The following ELAC1 variants were observed in gnomAD, a reference collection of about 807,000 sequenced individuals.
ELAC1 encodes zinc phosphodiesterase ELAC protein 1.
Under a neutral mutation model 25.8 loss-of-function variants are expected in ELAC1, and 19 were observed. The ratio of observed to expected loss-of-function variants is 0.74; its 90% confidence interval spans 0.51 to 1.08. ELAC1 has a LOEUF of 1.08. Among genes scored for constraint, ELAC1 ranks in the 50% least tolerant of loss-of-function variants. The pLI is 0.00. For missense variants in ELAC1, 403 were observed against 434.6 expected (o/e 0.93, Z 0.65); for synonymous variants, 148 against 160.9 (o/e 0.92, Z 0.61).
intron 1 of ELAC1, among the ~76,000 whole-genome samples, chr18:50,971,894 ATATG>A (rs1291769775): frequency 1.5e-4 from 14 of 94,948 alleles, no homozygotes; most frequent in African/African-American, 6.8e-4. Context: ...ATATATGTAT[ATATG>A]TGTGTGTGTG....
At chr18:50,978,018 T>A (rs1907840117) in intron 2 of ELAC1, among the ~76,000 whole-genome samples, 1 of 152,184 alleles carries the variant, frequency 6.6e-6, no homozygotes, top group Non-Finnish European at 1.5e-5. Flanking sequence ...CAGTTCCCAA[T>A]AAGTTCCTCA....
intron 2 of ELAC1, among the ~76,000 whole-genome samples, chr18:50,981,084 C>T (rs1907936934): frequency 6.8e-6 from 1 of 146,364 alleles, no homozygotes; most frequent in Non-Finnish European, 1.5e-5. Flanking sequence ...TCACCACACA[C>T]CCCCACCCCC....
At chr18:50,976,019 C>T (rs918648303) in intron 2 of ELAC1, among the ~76,000 whole-genome samples, 9 of 152,102 alleles carry the variant, frequency 5.9e-5, no homozygotes, top group African/African-American at 2.2e-4. Flanking sequence ...AAAGAACTGG[C>T]ATGTTGGGGA....
rs140150357 is a variant in ELAC1 at position 50,973,714 on chromosome 18, A to T, written c.-8-683A>T. Among the ~76,000 whole-genome samples the T allele has an allele frequency of 2.4e-3, 362 of 151,072 alleles. 1 individual carries two copies. Among genetic ancestry groups the T allele is most frequent in the Admixed American group, 5.2e-3 (77 of 14,802 alleles). On this transcript the variant is annotated intron_variant, in intron 1 of 3. Coordinates refer to ENST00000269466, the MANE Select transcript of ELAC1 (RefSeq NM_018696.3). ...AGTGTTTATTAGAAGGATTTTTTTT[A>T]AAAAAATTAGTAAGTAGAAAGTACA...
In ELAC1 at chr18:50,987,980, G is replaced by A. The variant is rs1908158235; in HGVS notation, c.*895G>A. On this transcript the variant is annotated 3_prime_UTR_variant, in exon 4 of 4. Transcript: ENST00000269466. Reference sequence around the variant, plus strand: ...CAAATCCTAAAGAGTGAATGTGTTAGAATTGCAGTGTCATACCAAATAACA... The same window carrying A: ...CAAATCCTAAAGAGTGAATGTGTTAAAATTGCAGTGTCATACCAAATAACA... 1 of 152,188 alleles carries A rather than the reference G, an allele frequency of 6.6e-6. No individual in the cohort carries two copies. Among genetic ancestry groups the A allele is most frequent in the Non-Finnish European group, 1.5e-5 (1 of 68,042 alleles). 9.4% of individuals were successfully genotyped at this position (152,188 alleles called of 1,614,324 possible). A position where few individuals can be genotyped will look rare whatever the true frequency, so the allele number is the denominator to read the frequency against.
chr18:50,977,019 G>C (rs1568186320), intron 2 of ELAC1, among the ~76,000 whole-genome samples: 2 of 152,228 alleles, frequency 1.3e-5, no homozygotes, highest in African/African-American at 2.4e-5. Flanking sequence ...GCATGCTGAT[G>C]CAAGAGGTGG....
intron 2 of ELAC1, among the ~76,000 whole-genome samples, 189 bp downstream of exon 2, chr18:50,974,750 T>C (rs1486203268): frequency 1.3e-5 from 2 of 152,236 alleles, no homozygotes; most frequent in East Asian, 3.8e-4. Context: ...ACTTATTTAC[T>C]TGCTTTTCAT....
At chr18:50,968,149 C>G (rs971057928) in intron 1 of ELAC1, 35 bp downstream of exon 1, 1 of 152,080 alleles carries the variant, frequency 6.6e-6, no homozygotes, top group Admixed American at 6.6e-5. Context: ...GGGGGGCGGG[C>G]GCGCTTCCTC....
intron 1 of ELAC1, among the ~76,000 whole-genome samples, chr18:50,971,769 TTTTAAATAGATAC>T (rs1420001738): frequency 6.6e-6 from 1 of 151,548 alleles, no homozygotes; most frequent in Non-Finnish European, 1.5e-5. Context: ...AACTTAAATT[TTTTAAATAGATAC>T]ACGATAGTTG....
intron 1 of ELAC1, among the ~76,000 whole-genome samples, chr18:50,972,213 T>C (rs754166745): frequency 3.3e-5 from 5 of 151,982 alleles, no homozygotes; most frequent in Non-Finnish European, 5.9e-5. Context: ...ATTCTCCTAA[T>C]TTTTTTGAAC....
chr18:50,978,668 G>C (rs1028047487), intron 2 of ELAC1, among the ~76,000 whole-genome samples: 7 of 152,204 alleles, frequency 4.6e-5, no homozygotes, highest in African/African-American at 1.4e-4. Flanking sequence ...GTGTGTGAGA[G>C]AGAGAGAGAA....
At chr18:50,984,694 G>C in intron 3 of ELAC1, 131 bp downstream of exon 3, 1 of 689,740 alleles carries the variant, frequency 1.4e-6, no homozygotes, top group Non-Finnish European at 2.4e-6. Flanking sequence ...CACTTTGGGA[G>C]GCCGAGGTGG....
rs1358771203 is a variant in ELAC1 at position 50,987,895 on chromosome 18, C to A, written c.*810C>A. 6.6e-6 allele frequency: 1 copy of A among 152,144 alleles called. No individual in the cohort carries two copies. Among genetic ancestry groups the A allele is most frequent in the Non-Finnish European group, 1.5e-5 (1 of 68,030 alleles). 9.4% of individuals were successfully genotyped at this position (152,144 alleles called of 1,614,324 possible). On this transcript the variant is annotated 3_prime_UTR_variant, in exon 4 of 4. Coordinates refer to ENST00000269466, the MANE Select transcript of ELAC1 (RefSeq NM_018696.3). ...GATACACAGCAAGTTAGTTTATACT[C>A]TTGATGTGAATATAGTTTACCAAAA...
At chr18:50,977,504 G>T (rs576214022) in intron 2 of ELAC1, among the ~76,000 whole-genome samples, 43 of 152,340 alleles carry the variant, frequency 2.8e-4, no homozygotes, top group African/African-American at 9.6e-4. Context: ...GGGATGCAGG[G>T]CACCAAGTCC....
rs1479931954 is a variant in ELAC1, at chr18:50,974,489, G to A, written c.85G>A (p.Glu29Lys). The change falls in exon 2 of 4, where the codon GAA (glutamate) becomes AAA (lysine). Residue 29 changes from glutamate (E) to lysine (K), a missense_variant. Physicochemically the swap from Glu to Lys is moderately conservative, Grantham distance 56. Coordinates refer to ENST00000269466, the MANE Select transcript of ELAC1 (RefSeq NM_018696.3). ...TGCCTCTGCTGTGGTCCTTCGGTGT[G>A]AAGGCGAGTGCTGGCTCTTTGACTG... is the stretch of plus-strand genomic sequence containing the variant. ...RGASAVVLRC[E>K]GECWLFDCGE... The A allele has an allele frequency of 6.2e-7, 1 of 1,611,560 alleles. No homozygotes were observed. Among genetic ancestry groups the A allele is most frequent in the Non-Finnish European group, 8.5e-7 (1 of 1,179,032 alleles).
intron 1 of ELAC1, among the ~76,000 whole-genome samples, chr18:50,973,357 T>A (rs1175474002): frequency 6.6e-6 from 1 of 152,206 alleles, no homozygotes; most frequent in Non-Finnish European, 1.5e-5. Context: ...CTCAGAAGTA[T>A]ATCAGTGATG....
chr18:50,974,317 A>G (rs2144310133), intron 1 of ELAC1, 80 bp from the exon 2 acceptor site: 1 of 1,326,134 alleles, frequency 7.5e-7, no homozygotes, highest in East Asian at 2.5e-5. Context: ...ACCAAAAAGT[A>G]ATAATAGAGA....
intron 3 of ELAC1, among the ~76,000 whole-genome samples, chr18:50,986,220 C>T (rs552482311): frequency 2.4e-4 from 36 of 151,920 alleles, no homozygotes; most frequent in Non-Finnish European, 4.0e-4. Flanking sequence ...AGGCATGAGC[C>T]AGTGCACCCA....
At chr18:50,983,006 G>A (rs536412737) in intron 2 of ELAC1, among the ~76,000 whole-genome samples, 24 of 152,180 alleles carry the variant, frequency 1.6e-4, no homozygotes, top group African/African-American at 4.8e-4. Context: ...TGGAGCCAGT[G>A]GAACATTTTG....
Sources: gnomAD v4.1 joint callset for allele counts (sites outside exome capture counted in the v4.1 genomes callset) on GRCh38, gnomAD v4.1.1 for gene constraint, MANE v1.5 for transcripts, NCBI Gene and HGNC (gene_info 2026-07-23, HGNC 2026-07-21) for gene names.